The following ANKS1B variants were observed in gnomAD, a reference collection of about 807,000 sequenced individuals.
The protein encoded by ANKS1B is ankyrin repeat and sterile alpha motif domain containing 1B.
ANKS1B carries 36 observed loss-of-function variants against 148.3 expected under a neutral mutation model. The observed-to-expected ratio is 0.24, with a 90% CI of 0.19 to 0.32. ANKS1B has a LOEUF of 0.32. Ranked by LOEUF, ANKS1B falls within the 10% of genes least tolerant of loss-of-function variation. The pLI, the probability that ANKS1B is intolerant of heterozygous loss-of-function variation, is 1.00. For missense variants in ANKS1B, 1,157 were observed against 1,542.6 expected, an observed-to-expected ratio of 0.75 and a Z score of 4.19; for synonymous variants, 542 against 560.8, an observed-to-expected ratio of 0.97 and a Z score of 0.47.
chr12:99,263,778 A>G (rs916669245), intron 12 of ANKS1B, among the ~76,000 whole-genome samples: 6 of 152,142 alleles, frequency 3.9e-5, no homozygotes, highest in Admixed American at 3.9e-4. Context: ...CATGAAAGAC[A>G]TGCTTGCTTC....
At chr12:99,197,859 A>T (rs963437060) in intron 14 of ANKS1B, among the ~76,000 whole-genome samples, 1 of 152,188 alleles carries the variant, frequency 6.6e-6, no homozygotes, top group Admixed American at 6.6e-5. Flanking sequence ...GAAAGATAAT[A>T]AATTTTTATC....
chr12:98,837,220 C>T (rs2099373382), intron 17 of ANKS1B, among the ~76,000 whole-genome samples: 1 of 151,604 alleles, frequency 6.6e-6, no homozygotes, highest in African/African-American at 2.4e-5. Context: ...GCCTGTAGTC[C>T]CAGCTACTCG....
chr12:99,041,336 A>G (rs1387194521), intron 17 of ANKS1B, among the ~76,000 whole-genome samples: 1 of 152,206 alleles, frequency 6.6e-6, no homozygotes, highest in Non-Finnish European at 1.5e-5. Flanking sequence ...GCAAGGCACG[A>G]AAATGATTTT....
chr12:99,155,540 A>AT (rs749893243), intron 14 of ANKS1B, among the ~76,000 whole-genome samples: 251 of 150,416 alleles, frequency 1.7e-3, no homozygotes, highest in Non-Finnish European at 2.5e-3. Flanking sequence ...AACTGGATAG[A>AT]TTTTTTTTTT....
chr12:99,423,952 A>G (rs1036940087), intron 11 of ANKS1B, among the ~76,000 whole-genome samples: 3 of 152,096 alleles, frequency 2.0e-5, no homozygotes, highest in African/African-American at 4.8e-5. Context: ...AAGTTTACCT[A>G]TATAACAAAC....
intron 4 of ANKS1B, among the ~76,000 whole-genome samples, chr12:99,800,014 A>C (rs946149284): frequency 4.6e-5 from 7 of 152,152 alleles, no homozygotes; most frequent in African/African-American, 1.7e-4. Flanking sequence ...TGGCTGTTTG[A>C]CTGAAAATAG....
At chr12:99,854,335 C>T (rs2088604855) in intron 1 of ANKS1B, among the ~76,000 whole-genome samples, 2 of 152,082 alleles carry the variant, frequency 1.3e-5, no homozygotes, top group African/African-American at 4.8e-5. Flanking sequence ...TGAATTAACC[C>T]AATCCAACAA....
intron 1 of ANKS1B, among the ~76,000 whole-genome samples, chr12:99,922,114 G>A (rs2094371230): frequency 6.6e-6 from 1 of 152,244 alleles, no homozygotes; most frequent in Admixed American, 6.5e-5. Flanking sequence ...ACCTGAGGGA[G>A]TTGTTATAAT....
rs199548422 is a variant in ANKS1B at position 99,653,316 on chromosome 12, T to C, written c.1272+1751A>G. 2.6e-5 allele frequency among the ~76,000 whole-genome samples: 4 copies of C among 152,344 alleles called. 1 individual carries two copies. The East Asian group carries it at 7.7e-4, about 29-fold the overall frequency. ...ATAGTAAATACCCTGATTATTTTAT[T>C]TCAGTAATTATTTTTAAGATATAAG... On this transcript the variant is annotated intron_variant, in intron 9 of 26. Coordinates refer to ENST00000683438, the MANE Select transcript of ANKS1B (RefSeq NM_001352186.2).
intron 17 of ANKS1B, among the ~76,000 whole-genome samples, chr12:99,026,926 A>G (rs1385709397): frequency 6.6e-6 from 1 of 152,204 alleles, no homozygotes; most frequent in African/African-American, 2.4e-5. Flanking sequence ...CATTGTATAA[A>G]TCTATCAGGC....
intron 17 of ANKS1B, among the ~76,000 whole-genome samples, chr12:98,833,577 C>T (rs1419127095): frequency 5.6e-5 from 1 of 18,000 alleles, no homozygotes; most frequent in African/African-American, 2.3e-4. Context: ...TCCCATGATA[C>T]CTTGAATTTT....
intron 12 of ANKS1B, among the ~76,000 whole-genome samples, chr12:99,302,161 T>C (rs1052095669): frequency 2.6e-5 from 4 of 152,170 alleles, no homozygotes; most frequent in South Asian, 4.1e-4. Flanking sequence ...TTAGTTCATA[T>C]GAAAAGATTT....
At chr12:99,132,083 C>T (rs1412944315) in intron 15 of ANKS1B, among the ~76,000 whole-genome samples, 1 of 152,140 alleles carries the variant, frequency 6.6e-6, no homozygotes, top group Non-Finnish European at 1.5e-5. Context: ...CTCCTTCCAG[C>T]ACCGCCTCAT....
chr12:99,190,555 T>C (rs1290603024), intron 14 of ANKS1B, among the ~76,000 whole-genome samples: 2 of 152,188 alleles, frequency 1.3e-5, no homozygotes, highest in Non-Finnish European at 2.9e-5. Context: ...TACAACCATC[T>C]GATCTCTGAC....
intron 8 of ANKS1B, among the ~76,000 whole-genome samples, chr12:99,692,099 C>T (rs1002569328): frequency 1.3e-5 from 2 of 152,040 alleles, no homozygotes; most frequent in East Asian, 3.9e-4. Context: ...TATAATTTTG[C>T]TTGTTAAGTA....
chr12:99,798,944 T>G (rs1288916295), intron 4 of ANKS1B, among the ~76,000 whole-genome samples: 1 of 152,076 alleles, frequency 6.6e-6, no homozygotes, highest in Non-Finnish European at 1.5e-5. Context: ...TTCAAGGCAA[T>G]CTTTCTCCAT....
chr12:99,366,379 A>C (rs1175324360), intron 12 of ANKS1B, among the ~76,000 whole-genome samples: 1 of 152,008 alleles, frequency 6.6e-6, no homozygotes, highest in African/African-American at 2.4e-5. Flanking sequence ...CCTGTAGGTC[A>C]CCTCGCTGCC....
rs1004964359 is a variant in ANKS1B, at chr12:99,644,521, G to T, written c.1272+10546C>A. ...AGCCCTTATTAGCGGCATCTTTAAT[G>T]TCCATATTTCTGTTCAAGGCAATCT... On this transcript the variant is annotated intron_variant, in intron 9 of 26. Transcript: ENST00000683438. Among the ~76,000 whole-genome samples the T allele has an allele frequency of 2.0e-5, 3 of 152,218 alleles. No individual in the cohort carries two copies. In the East Asian group the frequency reaches 5.8e-4, roughly 29 times the overall value.
intron 8 of ANKS1B, among the ~76,000 whole-genome samples, chr12:99,734,031 A>C (rs1337324594): frequency 1.3e-5 from 2 of 152,186 alleles, no homozygotes; most frequent in African/African-American, 4.8e-5. Context: ...CCAAACCTTA[A>C]TCACCAAGAT....
Sources: gnomAD v4.1 joint callset for allele counts (sites outside exome capture counted in the v4.1 genomes callset) on GRCh38, gnomAD v4.1.1 for gene constraint, MANE v1.5 for transcripts, NCBI Gene and HGNC (gene_info 2026-07-23, HGNC 2026-07-21) for gene names.